The following TMEM132C variants were observed in gnomAD, a reference collection of about 807,000 sequenced individuals.
TMEM132C encodes protein phosphatase 1, regulatory subunit 152.
TMEM132C carries 29 observed loss-of-function variants against 61.4 expected under a neutral mutation model. That is an observed-to-expected ratio of 0.47 (90% confidence interval 0.35 to 0.64). The LOEUF is 0.64. Ranked by LOEUF, TMEM132C falls within the 30% of genes least tolerant of loss-of-function variation. TMEM132C has a pLI of 0.00. For missense variants in TMEM132C, 1,408 were observed against 1,476.9 expected (o/e 0.95, Z 0.76); for synonymous variants, 656 against 633.1 (o/e 1.04, Z -0.54).
chr12:128,357,739 A>G (rs1344510409), intron 1 of TMEM132C, among the ~76,000 whole-genome samples: 1 of 151,456 alleles, frequency 6.6e-6, no homozygotes, highest in Non-Finnish European at 1.5e-5. Context: ...AGAAGCAAAT[A>G]TTCCCCCTTC....
At chr12:128,625,491 C>T (rs1954005888) in intron 4 of TMEM132C, among the ~76,000 whole-genome samples, 1 of 152,174 alleles carries the variant, frequency 6.6e-6, no homozygotes, top group African/African-American at 2.4e-5. Context: ...CTTACAGTTC[C>T]ACATGGCTGG....
intron 3 of TMEM132C, among the ~76,000 whole-genome samples, chr12:128,582,635 G>T (rs1875386961): frequency 6.6e-6 from 1 of 152,214 alleles, no homozygotes. Flanking sequence ...TTTATCAGGG[G>T]TTTCTGCTGT....
intron 8 of TMEM132C, 46 bp downstream of exon 8, chr12:128,697,461 C>A (rs1954774634): frequency 1.4e-6 from 2 of 1,478,990 alleles, no homozygotes; most frequent in Non-Finnish European, 1.8e-6. Context: ...GGGTCAGCCA[C>A]TGTGCCTGCT....
At chr12:128,640,883 T>G (rs1293010446) in intron 4 of TMEM132C, among the ~76,000 whole-genome samples, 2 of 152,134 alleles carry the variant, frequency 1.3e-5, no homozygotes, top group Non-Finnish European at 2.9e-5. Context: ...AAGAAGACCC[T>G]GTATCACACA....
At chr12:128,634,445 A>T (rs998439467) in intron 4 of TMEM132C, among the ~76,000 whole-genome samples, 3 of 152,256 alleles carry the variant, frequency 2.0e-5, no homozygotes, top group African/African-American at 7.2e-5. Flanking sequence ...GTGCTTCTCT[A>T]TCTGAGGACA....
intron 1 of TMEM132C, among the ~76,000 whole-genome samples, chr12:128,399,282 G>A (rs7313201): frequency 0.078 from 11,908 of 152,116 alleles, 1,599 homozygotes; most frequent in African/African-American, 0.27. Flanking sequence ...GAGGAAAAAG[G>A]CCATCATAAA....
intron 4 of TMEM132C, among the ~76,000 whole-genome samples, chr12:128,646,411 C>T (rs1229414868): frequency 2.0e-5 from 3 of 151,132 alleles, no homozygotes; most frequent in African/African-American, 4.9e-5. Context: ...TAGATCCCAT[C>T]AGTGTTGGAT....
At chr12:128,695,485 T>C (rs1038772611) in intron 6 of TMEM132C, among the ~76,000 whole-genome samples, 1 of 152,146 alleles carries the variant, frequency 6.6e-6, no homozygotes, top group African/African-American at 2.4e-5. Flanking sequence ...GATGGACCAC[T>C]GCACTTTAGC....
chr12:128,340,485 G>A (rs1299954208), intron 1 of TMEM132C, among the ~76,000 whole-genome samples: 1 of 151,948 alleles, frequency 6.6e-6, no homozygotes, highest in Non-Finnish European at 1.5e-5. Flanking sequence ...TAGACTAGTA[G>A]GGAAAAAAGT....
At chr12:128,504,136 A>G (rs1872273229) in intron 2 of TMEM132C, among the ~76,000 whole-genome samples, 1 of 152,152 alleles carries the variant, frequency 6.6e-6, no homozygotes, top group Admixed American at 6.5e-5. Context: ...TGGTGGTCTC[A>G]GGACAGCCCC....
chr12:128,545,549 G>A (rs1471371659), intron 3 of TMEM132C, among the ~76,000 whole-genome samples: 1 of 152,228 alleles, frequency 6.6e-6, no homozygotes, highest in Non-Finnish European at 1.5e-5. Context: ...TTTCCACTGT[G>A]ATCGAACTAA....
intron 1 of TMEM132C, among the ~76,000 whole-genome samples, chr12:128,274,178 G>T (rs1870608783): frequency 6.6e-6 from 1 of 152,116 alleles, no homozygotes; most frequent in Non-Finnish European, 1.5e-5. Flanking sequence ...CTGATTTCTT[G>T]TCTTCCACAA....
chr12:128,329,608 G>A (rs1287184168), intron 1 of TMEM132C, among the ~76,000 whole-genome samples: 4 of 152,212 alleles, frequency 2.6e-5, no homozygotes, highest in South Asian at 2.1e-4. Flanking sequence ...TTAAATTATC[G>A]TCCCACAGAT....
chr12:128,619,818 C>A (rs1953944563), intron 4 of TMEM132C, among the ~76,000 whole-genome samples: 1 of 152,082 alleles, frequency 6.6e-6, no homozygotes, highest in Non-Finnish European at 1.5e-5. Flanking sequence ...AGTTCTTCTT[C>A]AATGTAAGAA....
chr12:128,414,873 G>A lies in TMEM132C; in HGVS notation c.227G>A (p.Ser76Asn), dbSNP rs1356816805. 7.1e-6 allele frequency: 11 copies of A among 1,551,446 alleles called. No individual in the cohort carries two copies. The highest frequency in any genetic ancestry group is 8.7e-7 in the Non-Finnish European group (1 of 1,147,142). ...EANQDLLRNS[S>N]LQARVESFFT... The stretch of plus-strand genomic sequence containing the variant: ...AACCAGGACCTGCTGCGGAACTCCA[G>A]CCTGCAGGCGAGGGTGGAGTCCTTC... The change falls in exon 2 of 9, where the codon AGC becomes AAC. Residue 76 changes from serine (S) to asparagine (N), a missense_variant. Physicochemically the swap from Ser to Asn is conservative, Grantham distance 46 (BLOSUM62 1). Coordinates refer to ENST00000435159, the MANE Select transcript of TMEM132C (RefSeq NM_001136103.3).
chr12:128,479,572 T>C (rs193117426), intron 2 of TMEM132C, among the ~76,000 whole-genome samples: 107 of 152,342 alleles, frequency 7.0e-4, no homozygotes, highest in Non-Finnish European at 1.4e-3. Flanking sequence ...AGTCCAGTCA[T>C]GTTCGTTTGT....
intron 3 of TMEM132C, among the ~76,000 whole-genome samples, chr12:128,551,549 G>A (rs577615549): frequency 1.3e-5 from 2 of 152,256 alleles, no homozygotes; most frequent in South Asian, 4.1e-4. Flanking sequence ...CAGGGTGCGA[G>A]GCCAACAGAG....
intron 5 of TMEM132C, among the ~76,000 whole-genome samples, chr12:128,682,575 G>A (rs1267810874): frequency 6.6e-6 from 1 of 152,208 alleles, no homozygotes; most frequent in African/African-American, 2.4e-5. Flanking sequence ...TGGCGTGGCC[G>A]TTAACACTCT....
intron 1 of TMEM132C, among the ~76,000 whole-genome samples, chr12:128,269,821 T>TAAAA (rs57072766): frequency 2.7e-5 from 4 of 148,500 alleles, no homozygotes; most frequent in African/African-American, 9.9e-5. Flanking sequence ...CTGCTGTCTT[T>TAAAA]AAAAAAAAAA....
Sources: allele counts gnomAD v4.1 joint callset (sites outside exome capture counted in the v4.1 genomes callset), GRCh38; gene constraint gnomAD v4.1.1; transcripts MANE v1.5; gene names NCBI Gene and HGNC (gene_info 2026-07-23, HGNC 2026-07-21).